CNTNAP2: variants seen among roughly 807,000 people sequenced by gnomAD.
The protein encoded by CNTNAP2 is contactin associated protein 2.
CNTNAP2 carries 98 observed loss-of-function variants against 155.2 expected under a neutral mutation model. The ratio of observed to expected loss-of-function variants is 0.63; its 90% CI spans 0.54 to 0.75. The LOEUF (loss-of-function observed/expected upper bound fraction) is 0.75, where lower values mean the gene tolerates loss of function less well. Ranked by LOEUF, CNTNAP2 falls within the 30% of genes least tolerant of loss-of-function variation. The pLI is 0.00. For missense variants in CNTNAP2, 1,727 were observed against 1,688.1 expected (o/e 1.02, Z -0.40); for synonymous variants, 651 against 631.2 (o/e 1.03, Z -0.47).
intron 15 of CNTNAP2, among the ~76,000 whole-genome samples, chr7:147,985,578 G>C (rs1244987913): frequency 6.6e-6 from 1 of 151,920 alleles, no homozygotes; most frequent in South Asian, 2.1e-4. Context: ...CATGCTTAGT[G>C]GAGAAAAGAT....
intron 10 of CNTNAP2, among the ~76,000 whole-genome samples, chr7:147,475,001 G>T (rs1427011625): frequency 6.6e-6 from 1 of 152,162 alleles, no homozygotes. Context: ...ACGCTGTTCT[G>T]TCCCTCTTGC....
intron 1 of CNTNAP2, among the ~76,000 whole-genome samples, chr7:146,577,753 T>A (rs1798547060): frequency 6.6e-6 from 1 of 152,152 alleles, no homozygotes; most frequent in African/African-American, 2.4e-5. Flanking sequence ...ATATTTAATT[T>A]CATTTTTAAT....
intron 1 of CNTNAP2, among the ~76,000 whole-genome samples, chr7:146,346,136 G>C (rs1226592514): frequency 6.6e-6 from 1 of 152,190 alleles, no homozygotes; most frequent in Admixed American, 6.5e-5. Context: ...AGTTCTTCCA[G>C]AGCAGGGGTC....
intron 9 of CNTNAP2, among the ~76,000 whole-genome samples, chr7:147,362,722 G>A (rs998270975): frequency 6.6e-6 from 1 of 151,990 alleles, no homozygotes; most frequent in African/African-American, 2.4e-5. Context: ...GTCATAAAAC[G>A]CATACCCAAG....
chr7:146,399,675 A>C (rs1795686196), intron 1 of CNTNAP2, among the ~76,000 whole-genome samples: 1 of 152,030 alleles, frequency 6.6e-6, no homozygotes, highest in Non-Finnish European at 1.5e-5. Flanking sequence ...AGTTTCTTTG[A>C]CTATATACCC....
At chr7:146,832,021 A>G (rs1585112760) in intron 2 of CNTNAP2, among the ~76,000 whole-genome samples, 1 of 152,312 alleles carries the variant, frequency 6.6e-6, no homozygotes, top group East Asian at 1.9e-4. Flanking sequence ...ATGTTGATTA[A>G]TGGATATAGC....
At chr7:146,745,809 T>C (rs1051355406) in intron 1 of CNTNAP2, among the ~76,000 whole-genome samples, 3 of 150,380 alleles carry the variant, frequency 2.0e-5, no homozygotes, top group Non-Finnish European at 4.4e-5. Context: ...ACATTTGCCA[T>C]TGGTAGATAA....
chr7:147,107,893 A>G lies in CNTNAP2; in HGVS notation c.551-254A>G, dbSNP rs116855483. Among the ~76,000 whole-genome samples the G allele has an allele frequency of 9.9e-3, 1,504 of 152,250 alleles. 17 individuals are homozygous for G. Among genetic ancestry groups the G allele is most frequent in the Middle Eastern group, 0.024 (7 of 294 alleles). On this transcript the variant is annotated intron_variant, in intron 4 of 23. Coordinates refer to ENST00000361727, the MANE Select transcript of CNTNAP2 (RefSeq NM_014141.6). Reference sequence around the variant, plus strand: ...GAAGCATATAACCCATTGAATTTATATTACTAATTTTGTAATTAAAGTAAA... The same window carrying G: ...GAAGCATATAACCCATTGAATTTATGTTACTAATTTTGTAATTAAAGTAAA...
At chr7:146,494,859 A>G (rs1447134774) in intron 1 of CNTNAP2, among the ~76,000 whole-genome samples, 1 of 152,246 alleles carries the variant, frequency 6.6e-6, no homozygotes, top group Non-Finnish European at 1.5e-5. Flanking sequence ...TCGATGAGCT[A>G]GCTTATGAAG....
At chr7:147,392,300 C>T (rs558619122) in intron 9 of CNTNAP2, among the ~76,000 whole-genome samples, 1 of 145,338 alleles carries the variant, frequency 6.9e-6, no homozygotes, top group Non-Finnish European at 1.5e-5. Flanking sequence ...TAATTCTCTG[C>T]CAGTATCAAA....
chr7:146,719,919 G>T (rs889338514), intron 1 of CNTNAP2, among the ~76,000 whole-genome samples: 1 of 152,076 alleles, frequency 6.6e-6, no homozygotes, highest in African/African-American at 2.4e-5. Context: ...GGCTTACATT[G>T]CAGAAAGACC....
Position 147,120,783 on chromosome 7 carries a change from T to TACCCCCA in CNTNAP2, c.755-191_755-185dup, listed in dbSNP as rs1446610594. ...ATCTCCCAATGCTATCCCTCCCCCC[T>TACCCCCA]ACCCCCAACCCACAACAGTCCCCAG... On this transcript the variant is annotated intron_variant, in intron 5 of 23. Coordinates refer to ENST00000361727, the MANE Select transcript of CNTNAP2 (RefSeq NM_014141.6). Among the ~76,000 whole-genome samples, 19 of 148,722 alleles carry TACCCCCA rather than the reference T, an allele frequency of 1.3e-4. No individual in the cohort carries two copies. In the South Asian group the frequency reaches 2.5e-3, roughly 20 times the overall value.
chr7:146,219,805 G>C (rs919570072), intron 1 of CNTNAP2, among the ~76,000 whole-genome samples: 2 of 152,106 alleles, frequency 1.3e-5, no homozygotes, highest in Non-Finnish European at 2.9e-5. Context: ...TTATACTTTT[G>C]AATTCTGGCT....
rs147409195 is a variant in CNTNAP2 at position 147,237,518 on chromosome 7, C to G, written c.1349-62623C>G. Among the ~76,000 whole-genome samples, 622 of 152,324 alleles carry G rather than the reference C, an allele frequency of 4.1e-3. 6 individuals are homozygous for G. The highest frequency in any genetic ancestry group is 0.014 in the African/African-American group (583 of 41,572). ...CTCCACTTTGAAGAGTGTATCTTAT[C>G]TACAACTCCATGCAGCTCATTTCAC... On this transcript the variant is annotated intron_variant, in intron 8 of 23. Transcript: ENST00000361727.
chr7:146,394,154 AT>A (rs1332568371), intron 1 of CNTNAP2, among the ~76,000 whole-genome samples: 8 of 152,140 alleles, frequency 5.3e-5, no homozygotes, highest in African/African-American at 1.7e-4. Flanking sequence ...GTGGATTGCC[AT>A]GGGCATTATT....
At chr7:147,476,584 G>A (rs1798324096) in intron 10 of CNTNAP2, among the ~76,000 whole-genome samples, 2 of 151,810 alleles carry the variant, frequency 1.3e-5, no homozygotes, top group Admixed American at 1.3e-4. Context: ...CCTAGTTCAT[G>A]GCTACCCATA....
chr7:146,736,611 G>C (rs539122046), intron 1 of CNTNAP2, among the ~76,000 whole-genome samples: 2 of 152,178 alleles, frequency 1.3e-5, no homozygotes, highest in South Asian at 4.1e-4. Flanking sequence ...ATGATTCAGA[G>C]TGAGGCAGCT....
chr7:148,387,092 G>A (rs1799227862), intron 22 of CNTNAP2, among the ~76,000 whole-genome samples: 1 of 152,126 alleles, frequency 6.6e-6, no homozygotes, highest in African/African-American at 2.4e-5. Context: ...CCGTAAGAGG[G>A]AGGTATGGCA....
chr7:146,423,397 T>C (rs1468215711), intron 1 of CNTNAP2, among the ~76,000 whole-genome samples: 1 of 152,136 alleles, frequency 6.6e-6, no homozygotes, highest in African/African-American at 2.4e-5. Flanking sequence ...GGATATAACA[T>C]TATCATTAAT....
Sources: allele counts gnomAD v4.1 joint callset (sites outside exome capture counted in the v4.1 genomes callset), GRCh38; gene constraint gnomAD v4.1.1; transcripts MANE v1.5; gene names NCBI Gene and HGNC (gene_info 2026-07-23, HGNC 2026-07-21).